TBCEL: variants seen among roughly 807,000 people sequenced by gnomAD.
TBCEL encodes the protein tubulin folding cofactor E like, also known as tubulin-specific chaperone cofactor E-like protein.
In TBCEL, 15 loss-of-function variants were observed where a neutral mutation model predicts 44.2. That is an observed-to-expected ratio of 0.34 (90% CI 0.23 to 0.52). The LOEUF is 0.52. TBCEL is among the 20% of genes least tolerant of loss of function. The pLI is 0.95. For missense variants in TBCEL, 319 were observed against 506.3 expected (o/e 0.63, Z 3.55); for synonymous variants, 171 against 185.4 (o/e 0.92, Z 0.63).
At chr11:121,077,119 G>A (rs1946047341) in intron 8 of TBCEL, among the ~76,000 whole-genome samples, 1 of 151,870 alleles carries the variant, frequency 6.6e-6, no homozygotes, top group Non-Finnish European at 1.5e-5. Flanking sequence ...TTCTTATAAT[G>A]TCTTTGTCTT....
intron 1 of TBCEL, among the ~76,000 whole-genome samples, chr11:121,025,969 A>G (rs1456490789): frequency 6.6e-6 from 1 of 152,150 alleles, no homozygotes; most frequent in Non-Finnish European, 1.5e-5. Context: ...AGTTCCACTT[A>G]GTTGCTTTAT....
At chr11:121,049,032 C>T (rs934994763) in intron 4 of TBCEL, among the ~76,000 whole-genome samples, 2 of 151,920 alleles carry the variant, frequency 1.3e-5, no homozygotes, top group Admixed American at 1.3e-4. Context: ...TGTATAATGA[C>T]TTGCTTACTT....
intron 8 of TBCEL, among the ~76,000 whole-genome samples, chr11:121,064,558 C>T (rs1945782861): frequency 6.6e-6 from 1 of 152,198 alleles, no homozygotes; most frequent in Non-Finnish European, 1.5e-5. Flanking sequence ...TGCCTACTTT[C>T]CTATGCACTA....
intron 8 of TBCEL, among the ~76,000 whole-genome samples, chr11:121,077,786 T>C (rs973931361): frequency 6.6e-6 from 1 of 152,084 alleles, no homozygotes; most frequent in Admixed American, 6.6e-5. Flanking sequence ...CATTCTGTAA[T>C]TGGGATTTGT....
At chr11:121,070,190 A>G (rs1181002189) in intron 8 of TBCEL, among the ~76,000 whole-genome samples, 8 of 152,240 alleles carry the variant, frequency 5.3e-5, no homozygotes, top group Non-Finnish European at 7.3e-5. Flanking sequence ...GATCATTAAA[A>G]AGTCAGGAAA....
chr11:121,030,928 A>G (rs941416795), intron 1 of TBCEL, among the ~76,000 whole-genome samples: 1 of 152,074 alleles, frequency 6.6e-6, no homozygotes, highest in African/African-American at 2.4e-5. Flanking sequence ...CTGTGTGAAC[A>G]AATCAACACT....
intron 8 of TBCEL, among the ~76,000 whole-genome samples, chr11:121,065,144 G>C (rs769889237): frequency 6.6e-6 from 1 of 152,036 alleles, no homozygotes; most frequent in East Asian, 1.9e-4. Context: ...TTTTCTGTAC[G>C]TTTTTCCATA....
intron 5 of TBCEL, 92 bp from the exon 6 acceptor site, chr11:121,054,960 G>T: frequency 7.8e-7 from 1 of 1,279,116 alleles, no homozygotes; most frequent in Non-Finnish European, 1.0e-6. Context: ...ACATATAGTA[G>T]GCACTTACTT....
At chr11:121,073,285 TG>T (rs537552329) in intron 8 of TBCEL, among the ~76,000 whole-genome samples, 119 of 152,184 alleles carry the variant, frequency 7.8e-4, no homozygotes, top group African/African-American at 2.8e-3. Context: ...GAACATAGAA[TG>T]TTTTTTTCAT....
chr11:121,084,081 T>G (rs1415524841), intron 8 of TBCEL, among the ~76,000 whole-genome samples: 3 of 152,196 alleles, frequency 2.0e-5, no homozygotes, highest in African/African-American at 7.2e-5. Context: ...TATAACAGCG[T>G]TAATCTATTC....
At chr11:121,048,106 T>A (rs1471441183) in intron 4 of TBCEL, among the ~76,000 whole-genome samples, 1 of 151,938 alleles carries the variant, frequency 6.6e-6, no homozygotes, top group Non-Finnish European at 1.5e-5. Flanking sequence ...TTAGTCTTTG[T>A]CAGCTTAAAC....
intron 1 of TBCEL, among the ~76,000 whole-genome samples, chr11:121,032,657 A>G (rs1945165213): frequency 1.3e-5 from 2 of 152,186 alleles, no homozygotes; most frequent in South Asian, 4.1e-4. Flanking sequence ...GCATTTCAAC[A>G]CTACCCTTGG....
In TBCEL at chr11:121,086,915, T is replaced by C. The variant is rs1224238279; in HGVS notation, c.1094T>C (p.Val365Ala). 6.2e-7 allele frequency: 1 copy of C among 1,613,946 alleles called. No homozygotes were observed. The highest frequency in any genetic ancestry group is 8.5e-7 in the Non-Finnish European group (1 of 1,180,016). ...ATGAGCATTCGTCTGGACCAAACAG[T>C]GGCAGAACTAAAGAAACAGTTAAAA... The part of the protein sequence containing the change: ...EEMSIRLDQT[V>A]AELKKQLKTL... Residue 365 changes from valine to alanine, a missense_variant, in exon 9 of 9, where the codon GTG (valine) becomes GCG (alanine). Physicochemically the swap from Val to Ala is moderately conservative, Grantham distance 64. Transcript: ENST00000683345.
intron 8 of TBCEL, among the ~76,000 whole-genome samples, chr11:121,084,813 G>T (rs554404160): frequency 6.6e-6 from 1 of 152,034 alleles, no homozygotes; most frequent in Admixed American, 6.5e-5. Flanking sequence ...TTATTTGAAG[G>T]CATATACTAG....
chr11:121,075,873 G>A (rs754621550), intron 8 of TBCEL, among the ~76,000 whole-genome samples: 2 of 151,936 alleles, frequency 1.3e-5, no homozygotes, highest in African/African-American at 2.4e-5. Flanking sequence ...TTTCCTGTGT[G>A]GGGTAGGATA....
intron 8 of TBCEL, among the ~76,000 whole-genome samples, chr11:121,061,478 A>C (rs1294006713): frequency 6.6e-6 from 1 of 152,002 alleles, no homozygotes; most frequent in African/African-American, 2.4e-5. Flanking sequence ...TGAGAAATTT[A>C]TCATTAGGTG....
At chr11:121,078,496 A>G (rs773556649) in intron 8 of TBCEL, among the ~76,000 whole-genome samples, 1 of 152,212 alleles carries the variant, frequency 6.6e-6, no homozygotes, top group Non-Finnish European at 1.5e-5. Flanking sequence ...CTTAAGCACC[A>G]AGTGATTTAA....
intron 4 of TBCEL, among the ~76,000 whole-genome samples, chr11:121,051,907 C>T (rs1264632897): frequency 6.6e-6 from 1 of 151,768 alleles, no homozygotes. Flanking sequence ...TCAATGTTTA[C>T]ACAGTAGATC....
intron 5 of TBCEL, 96 bp from the exon 6 acceptor site, chr11:121,054,956 A>G (rs1945593960): frequency 1.6e-6 from 2 of 1,259,908 alleles, no homozygotes; most frequent in Non-Finnish European, 2.1e-6. Flanking sequence ...TCTCACATAT[A>G]GTAGGCACTT....
Sources: allele counts gnomAD v4.1 joint callset (sites outside exome capture counted in the v4.1 genomes callset), GRCh38; gene constraint gnomAD v4.1.1; transcripts MANE v1.5; gene names NCBI Gene and HGNC (gene_info 2026-07-23, HGNC 2026-07-21).